The following SIPA1L2 variants were observed in gnomAD, a reference collection of about 807,000 sequenced individuals.
SIPA1L2 encodes the protein signal-induced proliferation-associated 1-like protein 2.
Under a neutral mutation model 163.9 loss-of-function variants are expected in SIPA1L2, and 56 were observed. The ratio of observed to expected loss-of-function variants is 0.34; its 90% CI spans 0.28 to 0.43. The LOEUF (loss-of-function observed/expected upper bound fraction) is 0.43. Among genes scored for constraint, SIPA1L2 ranks in the 20% least tolerant of loss-of-function variants. The pLI is 1.00. For missense variants in SIPA1L2, 1,974 were observed against 2,193.5 expected (o/e 0.90, Z 2.00); for synonymous variants, 877 against 865.7 (o/e 1.01, Z -0.23).
At chr1:232,572,903 C>G (rs1056179119) in intron 2 of SIPA1L2, among the ~76,000 whole-genome samples, 8 of 151,886 alleles carry the variant, frequency 5.3e-5, no homozygotes, top group African/African-American at 1.9e-4. Context: ...CTCAGCCTCC[C>G]AAGTAGCTGG....
chr1:232,477,154 T>C (rs902425453), intron 7 of SIPA1L2, among the ~76,000 whole-genome samples: 4 of 152,166 alleles, frequency 2.6e-5, no homozygotes, highest in African/African-American at 9.7e-5. Context: ...TTGCAAAATA[T>C]TAAATGTCAA....
intron 1 of SIPA1L2, among the ~76,000 whole-genome samples, chr1:232,612,187 C>T (rs75954408): frequency 0.022 from 3,416 of 152,290 alleles, 57 homozygotes; most frequent in Middle Eastern, 0.051. Context: ...TATGCAAATA[C>T]CTGGATAACC....
intron 6 of SIPA1L2, among the ~76,000 whole-genome samples, chr1:232,480,332 T>G (rs575723577): frequency 6.6e-6 from 1 of 152,324 alleles, no homozygotes; most frequent in East Asian, 1.9e-4. Context: ...TTAATTTTTT[T>G]CTTTCAACAG....
rs146036887 is a variant in SIPA1L2, at chr1:232,600,701, T to C, written c.-318-26479A>G. 2.4e-3 allele frequency among the ~76,000 whole-genome samples: 360 copies of C among 152,326 alleles called. 3 individuals carry two copies. The highest frequency in any genetic ancestry group is 7.1e-3 in the African/African-American group (296 of 41,560). On this transcript the variant is annotated intron_variant, in intron 1 of 22. Transcript: ENST00000674635. ...GGGGAACAATGGTCACCATGCACCT[T>C]ACTTCTGAAGTGGGTAGGACGCTCA... is the stretch of plus-strand genomic sequence containing the variant.
intron 3 of SIPA1L2, among the ~76,000 whole-genome samples, chr1:232,493,986 G>C (rs1227730914): frequency 2.6e-5 from 4 of 152,148 alleles, no homozygotes; most frequent in African/African-American, 9.7e-5. Context: ...TGTCAAAAGA[G>C]GAACATGGCT....
chr1:232,569,931 C>T (rs1471335160), intron 2 of SIPA1L2, among the ~76,000 whole-genome samples: 4 of 152,198 alleles, frequency 2.6e-5, no homozygotes, highest in Non-Finnish European at 4.4e-5. Context: ...CAAAAGCAAG[C>T]CTAGCACCAT....
At chr1:232,600,081 G>A (rs1254141193) in intron 1 of SIPA1L2, among the ~76,000 whole-genome samples, 2 of 152,182 alleles carry the variant, frequency 1.3e-5, no homozygotes, top group Admixed American at 6.5e-5. Context: ...TGGCACCCTT[G>A]GTCCTGAACT....
chr1:232,439,591 C>CA, intron 14 of SIPA1L2, 95 bp from the exon 15 acceptor site: 1 of 1,422,230 alleles, frequency 7.0e-7, no homozygotes, highest in Non-Finnish European at 9.5e-7. Context: ...TGGGATCGCA[C>CA]CCAAGCCCTT....
intron 1 of SIPA1L2, among the ~76,000 whole-genome samples, chr1:232,591,920 G>A (rs976427278): frequency 6.6e-6 from 1 of 152,128 alleles, no homozygotes; most frequent in Non-Finnish European, 1.5e-5. Context: ...TAAGAACACA[G>A]TTGAAATGGC....
At chr1:232,619,040 T>C (rs1214411616) in intron 1 of SIPA1L2, among the ~76,000 whole-genome samples, 2 of 152,226 alleles carry the variant, frequency 1.3e-5, no homozygotes, top group Non-Finnish European at 2.9e-5. Flanking sequence ...AATGCATCTC[T>C]GGAGTTGCAA....
At chr1:232,475,947 T>C (rs1034989330) in intron 7 of SIPA1L2, among the ~76,000 whole-genome samples, 4 of 152,224 alleles carry the variant, frequency 2.6e-5, no homozygotes, top group African/African-American at 9.6e-5. Context: ...TATAAGTATA[T>C]GCTCCTACTT....
chr1:232,467,883 AAG>A (rs1298568866), intron 8 of SIPA1L2, among the ~76,000 whole-genome samples: 5 of 152,242 alleles, frequency 3.3e-5, no homozygotes, highest in African/African-American at 1.2e-4. Flanking sequence ...CATAGTAAAT[AAG>A]AGAGACATGG....
chr1:232,619,403 T>C (rs1662680422), intron 1 of SIPA1L2, among the ~76,000 whole-genome samples: 1 of 152,246 alleles, frequency 6.6e-6, no homozygotes. Flanking sequence ...AGCCATCAAC[T>C]CTGCCCAAGT....
chr1:232,523,997 AACAAACTCCATTCACTACTC>A (rs1667572736), intron 2 of SIPA1L2, among the ~76,000 whole-genome samples: 1 of 152,214 alleles, frequency 6.6e-6, no homozygotes, highest in African/African-American at 2.4e-5. Context: ...GCAAATACAC[AACAAACTCCATTCACTACTC>A]ACACACACTG....
chr1:232,570,684 C>T (rs1659675166), intron 2 of SIPA1L2, among the ~76,000 whole-genome samples: 1 of 152,036 alleles, frequency 6.6e-6, no homozygotes, highest in African/African-American at 2.4e-5. Flanking sequence ...CTTTACTTTC[C>T]TCTGTGCTCT....
intron 6 of SIPA1L2, 105 bp from the exon 7 acceptor site, chr1:232,479,835 G>C: frequency 1.1e-6 from 1 of 880,352 alleles, no homozygotes; most frequent in Non-Finnish European, 1.8e-6. Context: ...AAAACACCAA[G>C]CTCTACCCAA....
intron 15 of SIPA1L2, among the ~76,000 whole-genome samples, chr1:232,433,219 G>A (rs1662354164): frequency 6.6e-6 from 1 of 152,242 alleles, no homozygotes; most frequent in Non-Finnish European, 1.5e-5. Flanking sequence ...CTCTACGAAT[G>A]AATGGACTGA....
At chr1:232,544,338 G>C (rs767126242) in intron 2 of SIPA1L2, among the ~76,000 whole-genome samples, 1 of 152,166 alleles carries the variant, frequency 6.6e-6, no homozygotes, top group Non-Finnish European at 1.5e-5. Context: ...AAGTCGGGTG[G>C]ATCACAAGGT....
At chr1:232,471,924 C>T (rs796467078) in intron 7 of SIPA1L2, among the ~76,000 whole-genome samples, 1 of 152,192 alleles carries the variant, frequency 6.6e-6, no homozygotes, top group Non-Finnish European at 1.5e-5. Flanking sequence ...CACTATCACA[C>T]CGGCGGGCTT....
Sources: allele counts gnomAD v4.1 joint callset (sites outside exome capture counted in the v4.1 genomes callset), GRCh38; gene constraint gnomAD v4.1.1; transcripts MANE v1.5; gene names NCBI Gene and HGNC (gene_info 2026-07-23, HGNC 2026-07-21).